Variants in CD46 observed in about 807,000 individuals in gnomAD.
The protein encoded by CD46 is membrane cofactor protein.
A neutral mutation model predicts 53.3 loss-of-function variants in CD46; 30 were observed. The ratio of observed to expected loss-of-function variants is 0.56; its 90% CI spans 0.42 to 0.76. The LOEUF (loss-of-function observed/expected upper bound fraction) is 0.76. Ranked by LOEUF, CD46 falls within the 30% of genes least tolerant of loss-of-function variation. The pLI is 0.00. For missense variants in CD46, 409 were observed against 463.0 expected (o/e 0.88, Z 1.07); for synonymous variants, 142 against 152.0 (o/e 0.93, Z 0.48).
chr1:207,783,220 A>G (rs113423567), intron 8 of CD46, 72 bp from the exon 9 acceptor site: 10 of 835,516 alleles, frequency 1.2e-5, no homozygotes, highest in African/African-American at 8.6e-5. Flanking sequence ...ATGAGTTTAA[A>G]GGATTTTAAG....
Position 207,790,329 on chromosome 1 carries a change from G to A in CD46, c.*25G>A. 1 of 1,562,080 alleles carries A rather than the reference G, an allele frequency of 6.4e-7. No homozygotes were observed. On this transcript the variant is annotated 3_prime_UTR_variant, in exon 12 of 13. Coordinates refer to ENST00000367042, the MANE Select transcript of CD46 (RefSeq NM_172351.3). ...AGAAGGAGAGATGAGAGAAAGGTTT[G>A]CTTTTATCATTAAAAGGTATCTGTT...
chr1:207,789,371 T>A (rs1659577397), intron 11 of CD46, among the ~76,000 whole-genome samples: 1 of 152,194 alleles, frequency 6.6e-6, no homozygotes, highest in African/African-American at 2.4e-5. Context: ...AAAATAGTGG[T>A]CAGTTCAGGT....
At chr1:207,770,115 CAG>C (rs1657321852) in intron 7 of CD46, 1 of 555,156 alleles carries the variant, frequency 1.8e-6, no homozygotes, top group Admixed American at 3.1e-5. Flanking sequence ...TTATAAAATA[CAG>C]AGTGTGGTGA....
Position 207,752,086 on chromosome 1 carries a change from A to T in CD46, c.-127A>T, listed in dbSNP as rs1023894625. On this transcript the variant is annotated 5_prime_UTR_variant, in exon 1 of 13. Transcript: ENST00000367042. This position sits in a 1 kb window ranked among gnomAD's most constrained non-coding sequence, Gnocchi z 4.1. The stretch of plus-strand genomic sequence containing the variant: ...GGGCCACGCCCACCTGTCCTGCAGC[A>T]CTGGATGCTTTGTGAGTTGGGGATT... The T allele has an allele frequency of 2.1e-6, 2 of 942,380 alleles. No homozygotes were observed. The highest frequency in any genetic ancestry group is 3.4e-6 in the Non-Finnish European group (2 of 581,746). The allele number at this position is 942,380 out of a possible 1,614,324, so 58.4% of individuals were successfully genotyped here. A position where few individuals can be genotyped will look rare whatever the true frequency, so the allele number is the denominator to read the frequency against.
intron 12 of CD46, among the ~76,000 whole-genome samples, chr1:207,791,285 A>G (rs1245259401): frequency 6.6e-6 from 1 of 152,066 alleles, no homozygotes; most frequent in Admixed American, 6.5e-5. Flanking sequence ...AAGCATGTAT[A>G]CCTATGATCA....
intron 8 of CD46, among the ~76,000 whole-genome samples, chr1:207,781,373 C>T (rs530493933): frequency 4.6e-5 from 7 of 152,120 alleles, no homozygotes; most frequent in East Asian, 1.9e-4. Flanking sequence ...TATTTCCTCT[C>T]ATTCTGTGGG....
intron 9 of CD46, 143 bp downstream of exon 9, chr1:207,783,473 A>G (rs771329275): frequency 6.7e-6 from 4 of 596,622 alleles, no homozygotes; most frequent in Middle Eastern, 3.7e-4. Flanking sequence ...GTAGGTTAAA[A>G]TATATAAAAC....
intron 5 of CD46, chr1:207,762,866 G>C (rs1656386235): frequency 6.6e-6 from 1 of 152,638 alleles, no homozygotes; most frequent in African/African-American, 2.4e-5. Context: ...AGCCAGAGGG[G>C]GTGTGCCATG....
chr1:207,778,439 A>G (rs914665449), intron 8 of CD46, among the ~76,000 whole-genome samples: 6 of 151,650 alleles, frequency 4.0e-5, no homozygotes, highest in East Asian at 3.9e-4. Context: ...CAAATCTTTA[A>G]TCCATCTTGA....
Position 207,794,614 on chromosome 1 carries a change from T to A in CD46, c.*1137T>A, listed in dbSNP as rs1660086751. 6.6e-6 allele frequency: 1 copy of A among 152,236 alleles called. No homozygotes were observed. The highest frequency in any genetic ancestry group is 1.5e-5 in the Non-Finnish European group (1 of 68,038). 9.4% of individuals were successfully genotyped at this position (152,236 alleles called of 1,614,324 possible). A position where few individuals can be genotyped will look rare whatever the true frequency, so the allele number is the denominator to read the frequency against. On this transcript the variant is annotated 3_prime_UTR_variant, in exon 13 of 13. Transcript: ENST00000367042. ...TATGTATATGTCTTACCTCATCTCC[T>A]AAAAGGCAGAGTACAAAGTAAGCCA...
chr1:207,788,592 C>A (rs1173429074), intron 11 of CD46, among the ~76,000 whole-genome samples: 1 of 152,112 alleles, frequency 6.6e-6, no homozygotes, highest in African/African-American at 2.4e-5. Context: ...ATAATCTTGT[C>A]CCCCCAGATT....
chr1:207,783,146 A>G, intron 8 of CD46, 146 bp from the exon 9 acceptor site: 1 of 505,052 alleles, frequency 2.0e-6, no homozygotes, highest in Non-Finnish European at 3.6e-6. Flanking sequence ...AGAAACATTA[A>G]TATAGTTTAT....
Position 207,793,978 on chromosome 1 carries a change from T to G in CD46, c.*501T>G. ...CAAAGATTAATGCCAACTCTTAAGA[T>G]TATTCTTTCACCAACTATAGAATGT... is the stretch of plus-strand genomic sequence containing the variant. On this transcript the variant is annotated 3_prime_UTR_variant, in exon 13 of 13. Transcript: ENST00000367042. The G allele has an allele frequency of 4.6e-6, 1 of 215,530 alleles. No homozygotes were observed. Among genetic ancestry groups the G allele is most frequent in the Non-Finnish European group, 9.5e-6 (1 of 104,822 alleles). The allele number at this position is 215,530 out of a possible 1,614,324, so 13.4% of individuals were successfully genotyped here.
intron 8 of CD46, among the ~76,000 whole-genome samples, chr1:207,777,389 G>A (rs1203046307): frequency 6.6e-6 from 1 of 152,040 alleles, no homozygotes; most frequent in Non-Finnish European, 1.5e-5. Flanking sequence ...TGTTACATAA[G>A]TAAACGTGTC....
intron 8 of CD46, 74 bp downstream of exon 8, chr1:207,770,436 G>T (rs1657373154): frequency 1.8e-6 from 2 of 1,101,690 alleles, no homozygotes; most frequent in Admixed American, 1.7e-5. Flanking sequence ...TAAGCTCTAG[G>T]GTATGTGTGC....
chr1:207,768,434 A>G (rs998083163), intron 7 of CD46: 6 of 152,842 alleles, frequency 3.9e-5, no homozygotes, highest in African/African-American at 1.2e-4. Flanking sequence ...GATGTAAAAC[A>G]TTTAAACAGG....
At chr1:207,771,812 G>C (rs1254176895) in intron 8 of CD46, among the ~76,000 whole-genome samples, 1 of 152,180 alleles carries the variant, frequency 6.6e-6, no homozygotes, top group Non-Finnish European at 1.5e-5. Flanking sequence ...TTGTAGTATA[G>C]TTTGAAGTCA....
chr1:207,783,361 G>A, intron 9 of CD46, 31 bp downstream of exon 9: 2 of 1,376,710 alleles, frequency 1.5e-6, no homozygotes, highest in Non-Finnish European at 1.0e-6. Flanking sequence ...AAATATAAGT[G>A]GTAGTATGTG....
chr1:207,786,507 A>G (rs1235941230), intron 11 of CD46, among the ~76,000 whole-genome samples: 1 of 152,218 alleles, frequency 6.6e-6, no homozygotes, highest in African/African-American at 2.4e-5. Context: ...TGGAACACAG[A>G]CTAAGATTAG....
Sources: gnomAD v4.1 joint callset for allele counts (sites outside exome capture counted in the v4.1 genomes callset) on GRCh38, gnomAD v4.1.1 for gene constraint, Gnocchi (gnomAD v3.1) non-coding constraint, MANE v1.5 for transcripts, NCBI Gene and HGNC (gene_info 2026-07-23, HGNC 2026-07-21) for gene names.